ANKS1B: variants seen among roughly 807,000 people sequenced by gnomAD.
ANKS1B encodes ankyrin repeat and sterile alpha motif domain-containing protein 1B.
ANKS1B carries 36 observed loss-of-function variants against 148.3 expected under a neutral mutation model. The ratio of observed to expected loss-of-function variants is 0.24; its 90% CI spans 0.19 to 0.32. The LOEUF (loss-of-function observed/expected upper bound fraction) is 0.32. ANKS1B is among the 10% of genes least tolerant of loss of function. ANKS1B has a pLI of 1.00. For missense variants in ANKS1B, 1,157 were observed against 1,542.6 expected, an observed-to-expected ratio of 0.75 and a Z score of 4.19; for synonymous variants, 542 against 560.8, an observed-to-expected ratio of 0.97 and a Z score of 0.47.
At chr12:99,491,201 A>G (rs937305512) in intron 10 of ANKS1B, among the ~76,000 whole-genome samples, 17 of 152,128 alleles carry the variant, frequency 1.1e-4, no homozygotes, top group Admixed American at 9.8e-4. Flanking sequence ...GCTACTGGGG[A>G]GGCTGAAGCA....
chr12:99,682,886 C>A (rs1313364108), intron 8 of ANKS1B, among the ~76,000 whole-genome samples: 2 of 152,008 alleles, frequency 1.3e-5, no homozygotes, highest in Admixed American at 6.6e-5. Flanking sequence ...CCTTTTCATG[C>A]TGCTGATAAA....
Position 98,801,539 on chromosome 12 carries a change from G to C in ANKS1B, c.3142-414C>G, listed in dbSNP as rs2099005024. Among the ~76,000 whole-genome samples the C allele has an allele frequency of 6.6e-6, 1 of 152,156 alleles. No homozygotes were observed. Among genetic ancestry groups the C allele is most frequent in the Non-Finnish European group, 1.5e-5 (1 of 68,030 alleles). On this transcript the variant is annotated intron_variant, in intron 20 of 26. Coordinates refer to ENST00000683438, the MANE Select transcript of ANKS1B (RefSeq NM_001352186.2). This position sits in a 1 kb window ranked among gnomAD's most constrained non-coding sequence, Gnocchi z 5.2. ...AGAACACACAGTTCTATAAATTTCA[G>C]TTCCCAAATATGACATGTACTAGCC... is the stretch of plus-strand genomic sequence containing the variant.
intron 9 of ANKS1B, among the ~76,000 whole-genome samples, chr12:99,587,864 T>C (rs1276913995): frequency 1.3e-5 from 2 of 152,100 alleles, no homozygotes; most frequent in Admixed American, 1.3e-4. Flanking sequence ...GGGGTGAATA[T>C]CAACATGGAG....
chr12:99,485,732 TTTTC>T (rs1397777704), intron 10 of ANKS1B, among the ~76,000 whole-genome samples: 2 of 152,148 alleles, frequency 1.3e-5, no homozygotes, highest in African/African-American at 4.8e-5. Flanking sequence ...TTTGATTCTT[TTTTC>T]TTTATTTTGT....
intron 4 of ANKS1B, among the ~76,000 whole-genome samples, chr12:99,803,581 A>G (rs1389202321): frequency 6.6e-6 from 1 of 152,200 alleles, no homozygotes; most frequent in Non-Finnish European, 1.5e-5. Flanking sequence ...TGATATGTGA[A>G]GAACAAATCT....
chr12:99,187,949 T>A (rs1055916606), intron 14 of ANKS1B, among the ~76,000 whole-genome samples: 1 of 151,810 alleles, frequency 6.6e-6, no homozygotes, highest in East Asian at 1.9e-4. Context: ...AGGAGACCCA[T>A]CTCATGTGCA....
In ANKS1B at chr12:98,744,679, CTTT is replaced by C. The variant is rs201362499; in HGVS notation, c.*1057_*1059del. The stretch of plus-strand genomic sequence containing the variant: ...AAGTTTTATTACTTTGGAATTTCTT[CTTT>C]TTTTTTTTTGTATTTATTTTTTCTA... On this transcript the variant is annotated 3_prime_UTR_variant, in exon 27 of 27. Transcript: ENST00000683438. 4 of 724,536 alleles carry C rather than the reference CTTT, an allele frequency of 5.5e-6. No individual in the cohort carries two copies. The African/African-American group carries it at 6.2e-5, about 11-fold the overall frequency. The allele number at this position is 724,536 out of a possible 1,614,324, so 44.9% of individuals were successfully genotyped here.
intron 9 of ANKS1B, chr12:99,648,288 T>G: frequency 1.9e-6 from 3 of 1,614,184 alleles, no homozygotes; most frequent in Non-Finnish European, 2.5e-6. Flanking sequence ...GCGAGTATAC[T>G]ATATTCAGGT....
At chr12:99,217,381 G>T (rs1454670702) in intron 14 of ANKS1B, among the ~76,000 whole-genome samples, 2 of 151,768 alleles carry the variant, frequency 1.3e-5, no homozygotes, top group Non-Finnish European at 2.9e-5. Flanking sequence ...CTGGTGAATG[G>T]TGTCTTGCCC....
At chr12:99,847,574 A>C (rs1369855547) in intron 1 of ANKS1B, among the ~76,000 whole-genome samples, 1 of 152,150 alleles carries the variant, frequency 6.6e-6, no homozygotes, top group Non-Finnish European at 1.5e-5. Flanking sequence ...TTCCCCACTC[A>C]GTCTATTACC....
intron 16 of ANKS1B, among the ~76,000 whole-genome samples, chr12:99,071,887 T>G (rs1272234369): frequency 6.6e-6 from 1 of 152,080 alleles, no homozygotes; most frequent in Non-Finnish European, 1.5e-5. Context: ...CCTCGTGATC[T>G]GCCTGCCTCG....
At chr12:99,380,997 C>T (rs2093623137) in intron 12 of ANKS1B, among the ~76,000 whole-genome samples, 1 of 152,108 alleles carries the variant, frequency 6.6e-6, no homozygotes, top group East Asian at 1.9e-4. Flanking sequence ...GGAGAGGATA[C>T]AGAGACCCAG....
At chr12:99,794,800 A>T (rs1468523182) in intron 4 of ANKS1B, among the ~76,000 whole-genome samples, 1 of 152,002 alleles carries the variant, frequency 6.6e-6, no homozygotes, top group Admixed American at 6.6e-5. Flanking sequence ...CAACAGGGGC[A>T]CTATAATCAA....
rs537904102 is a variant in ANKS1B at position 99,964,661 on chromosome 12, C to T, written c.134+19443G>A. Among the ~76,000 whole-genome samples, 125 of 152,210 alleles carry T rather than the reference C, an allele frequency of 8.2e-4. 1 individual carries two copies. The highest frequency in any genetic ancestry group is 2.9e-3 in the African/African-American group (121 of 41,538). On this transcript the variant is annotated intron_variant, in intron 1 of 26. Transcript: ENST00000683438. ...ATGTGGTGATGGCAGAGGGGAACAC[C>T]CCAGCATGGGATGTCAGTATCCAAA...
chr12:99,389,569 T>G (rs1436998328), intron 12 of ANKS1B, among the ~76,000 whole-genome samples: 2 of 152,142 alleles, frequency 1.3e-5, no homozygotes, highest in Non-Finnish European at 2.9e-5. Flanking sequence ...CAAATATAAC[T>G]AATACGCAGG....
At chr12:99,229,820 G>T (rs2086542474) in intron 14 of ANKS1B, among the ~76,000 whole-genome samples, 1 of 151,974 alleles carries the variant, frequency 6.6e-6, no homozygotes, top group Non-Finnish European at 1.5e-5. Context: ...CATACAATTA[G>T]TATTTTTTAA....
chr12:99,284,241 G>C (rs1164445833), intron 12 of ANKS1B, among the ~76,000 whole-genome samples: 3 of 152,128 alleles, frequency 2.0e-5, no homozygotes, highest in Admixed American at 2.0e-4. Context: ...CCCCAACCCA[G>C]TTGGATTTAA....
At chr12:99,641,132 C>T (rs746762858) in intron 9 of ANKS1B, among the ~76,000 whole-genome samples, 9 of 152,090 alleles carry the variant, frequency 5.9e-5, no homozygotes, top group Non-Finnish European at 1.2e-4. Context: ...TACATACTGC[C>T]AATCCTACCA....
intron 11 of ANKS1B, among the ~76,000 whole-genome samples, chr12:99,422,261 T>A (rs779181405): frequency 3.3e-5 from 5 of 152,182 alleles, no homozygotes; most frequent in Non-Finnish European, 7.3e-5. Flanking sequence ...CATTCATGAC[T>A]CTGTCATCTT....
Sources: allele counts gnomAD v4.1 joint callset (sites outside exome capture counted in the v4.1 genomes callset), GRCh38; gene constraint gnomAD v4.1.1; non-coding constraint Gnocchi (gnomAD v3.1); transcripts MANE v1.5; gene names NCBI Gene and HGNC (gene_info 2026-07-23, HGNC 2026-07-21).